DNAJB6: variants seen among roughly 807,000 people sequenced by gnomAD.
The protein encoded by DNAJB6 is DnaJ heat shock protein family (Hsp40) member B6, also known as dnaJ homolog subfamily B member 6.
DNAJB6 carries 16 observed loss-of-function variants against 42.7 expected under a neutral mutation model. That is an observed-to-expected ratio of 0.37 (90% CI 0.25 to 0.57). The LOEUF (loss-of-function observed/expected upper bound fraction) is 0.57, where lower values mean the gene tolerates loss of function less well. DNAJB6 is among the 20% of genes least tolerant of loss of function. DNAJB6 has a pLI of 0.74. For missense variants in DNAJB6, 347 were observed against 416.8 expected (o/e 0.83, Z 1.46); for synonymous variants, 170 against 163.5 (o/e 1.04, Z -0.30).
intron 1 of DNAJB6, among the ~76,000 whole-genome samples, chr7:157,357,333 C>T (rs185448255): frequency 2.2e-5 from 3 of 134,264 alleles, no homozygotes; most frequent in African/African-American, 5.8e-5. Context: ...CTCGTTCCGT[C>T]GCCCGGGCTG....
chr7:157,369,880 C>G (rs145550684), intron 5 of DNAJB6, among the ~76,000 whole-genome samples: 6,397 of 134,826 alleles, frequency 0.047, 120 homozygotes, highest in Non-Finnish European at 0.069. Context: ...TATTATTAAA[C>G]AGGCCCCTTC....
In DNAJB6 at chr7:157,409,927, GTCTC is replaced by G; in HGVS notation, c.828_831del (p.Ser277ArgfsTer24). The G allele has an allele frequency of 6.5e-7, 1 of 1,536,408 alleles. No individual in the cohort carries two copies. The highest frequency in any genetic ancestry group is 8.7e-7 in the Non-Finnish European group (1 of 1,146,052). The stretch of plus-strand genomic sequence containing the variant: ...TCGCTGCTGAGACACGCGCCTCACT[GTCTC>G]TCTGAGGAGGAGGGCGAGCAGGACC... On this transcript the variant is annotated frameshift_variant, in exon 9 of 10. Transcript: ENST00000262177. LOFTEE classifies it high-confidence loss of function.
intron 1 of DNAJB6, among the ~76,000 whole-genome samples, chr7:157,351,795 G>A (rs1798992692): frequency 6.7e-6 from 1 of 150,214 alleles, no homozygotes; most frequent in African/African-American, 2.5e-5. Context: ...GAAACCCTGT[G>A]TCTACTTTAA....
At chr7:157,365,923 G>A (rs1799819704) in intron 3 of DNAJB6, among the ~76,000 whole-genome samples, 1 of 149,352 alleles carries the variant, frequency 6.7e-6, no homozygotes, top group African/African-American at 2.5e-5. Flanking sequence ...CTCGGCCTCT[G>A]AAAGTGCTGG....
intron 5 of DNAJB6, chr7:157,378,676 G>T (rs1206402576): frequency 6.6e-6 from 1 of 152,184 alleles, no homozygotes; most frequent in African/African-American, 2.4e-5. Context: ...CACGTTTTGG[G>T]ATGAGTTGAG....
At chr7:157,386,450 A>T (rs1360293944) in intron 8 of DNAJB6, 32 of 290,106 alleles carry the variant, frequency 1.1e-4, no homozygotes, top group Non-Finnish European at 1.5e-4. Flanking sequence ...AGTATATTTG[A>T]AGTATATGAA....
At chr7:157,402,452 C>T (rs1033399321) in intron 8 of DNAJB6, among the ~76,000 whole-genome samples, 2 of 152,116 alleles carry the variant, frequency 1.3e-5, no homozygotes, top group East Asian at 1.9e-4. Context: ...GTGGGGCGGG[C>T]GTGGGGTGAC....
intron 2 of DNAJB6, among the ~76,000 whole-genome samples, chr7:157,360,435 ATCAATGG>A (rs1302699420): frequency 6.6e-6 from 1 of 152,226 alleles, no homozygotes; most frequent in Non-Finnish European, 1.5e-5. Context: ...GCCAGCCCTT[ATCAATGG>A]ATAAGCATAA....
intron 8 of DNAJB6, among the ~76,000 whole-genome samples, chr7:157,393,197 A>G (rs1186865617): frequency 6.6e-6 from 1 of 151,994 alleles, no homozygotes; most frequent in Non-Finnish European, 1.5e-5. Context: ...GCTGATCCCA[A>G]ACTCCTGACC....
chr7:157,375,754 C>T (rs1584917295), intron 5 of DNAJB6, among the ~76,000 whole-genome samples: 1 of 152,174 alleles, frequency 6.6e-6, no homozygotes, highest in African/African-American at 2.4e-5. Flanking sequence ...TAAATGAGTG[C>T]CTGGTTTTGA....
chr7:157,403,213 G>GA (rs1795604620), intron 8 of DNAJB6, among the ~76,000 whole-genome samples: 1 of 152,200 alleles, frequency 6.6e-6, no homozygotes, highest in Non-Finnish European at 1.5e-5. Flanking sequence ...CCACATATGA[G>GA]AGGGGGTAGG....
intron 9 of DNAJB6, chr7:157,414,357 C>T (rs541945146): frequency 6.6e-6 from 1 of 152,434 alleles, no homozygotes; most frequent in South Asian, 2.1e-4. Flanking sequence ...TGGCTCTGCC[C>T]TGGCCGCCCT....
intron 1 of DNAJB6, among the ~76,000 whole-genome samples, chr7:157,341,000 G>GCGCGCT (rs1554450165): frequency 1.4e-5 from 2 of 147,538 alleles, no homozygotes; most frequent in South Asian, 2.1e-4. Context: ...GTGTGTGTGC[G>GCGCGCT]CGCGCGCAGG....
chr7:157,404,749 G>A (rs539306753), intron 8 of DNAJB6, among the ~76,000 whole-genome samples: 18 of 152,000 alleles, frequency 1.2e-4, no homozygotes, highest in South Asian at 6.2e-4. Flanking sequence ...CAAGTGATCC[G>A]CCTGCCTCAG....
chr7:157,355,668 CG>C (rs1368575071), intron 1 of DNAJB6, among the ~76,000 whole-genome samples: 3 of 152,140 alleles, frequency 2.0e-5, no homozygotes, highest in Non-Finnish European at 4.4e-5. Context: ...GGAAGTGGAG[CG>C]GCTAAGGGTA....
chr7:157,393,176 A>G (rs1018764493), intron 8 of DNAJB6, among the ~76,000 whole-genome samples: 5 of 152,012 alleles, frequency 3.3e-5, no homozygotes, highest in African/African-American at 4.8e-5. Flanking sequence ...GAGTTTCACT[A>G]TTTTGGTCAG....
intron 5 of DNAJB6, chr7:157,381,974 A>G (rs1427287401): frequency 7.8e-6 from 2 of 257,542 alleles, no homozygotes; most frequent in African/African-American, 4.6e-5. Context: ...TTGGTCCTCC[A>G]TAAAGAATGT....
At chr7:157,341,222 T>G (rs376363240) in intron 1 of DNAJB6, among the ~76,000 whole-genome samples, 2 of 152,090 alleles carry the variant, frequency 1.3e-5, no homozygotes, top group East Asian at 1.9e-4. Flanking sequence ...CCGCACGGGT[T>G]CAAGCGATTC....
intron 5 of DNAJB6, among the ~76,000 whole-genome samples, chr7:157,374,372 G>A (rs1313532370): frequency 6.6e-6 from 1 of 152,096 alleles, no homozygotes; most frequent in Admixed American, 6.6e-5. Context: ...TGATTCTCCT[G>A]CCTTAGCCTC....
Sources: allele counts gnomAD v4.1 joint callset (sites outside exome capture counted in the v4.1 genomes callset), GRCh38; gene constraint gnomAD v4.1.1; transcripts MANE v1.5; gene names NCBI Gene and HGNC (gene_info 2026-07-23, HGNC 2026-07-21).